Variants in C4orf36 observed in about 807,000 individuals in gnomAD.
The protein encoded by C4orf36 is chromosome 4 open reading frame 36.
C4orf36 carries 11 observed loss-of-function variants against 12.2 expected under a neutral mutation model. The ratio of observed to expected loss-of-function variants is 0.90; its 90% CI spans 0.57 to 1.49. The LOEUF (loss-of-function observed/expected upper bound fraction) is 1.49. Among genes scored for constraint, C4orf36 ranks in the 40% most tolerant of loss-of-function variants. The pLI is 0.00. For missense variants in C4orf36, 137 were observed against 133.9 expected (o/e 1.02, Z -0.11); for synonymous variants, 54 against 51.3 (o/e 1.05, Z -0.22).
At chr4:86,880,328 C>T (rs1249324553) in intron 4 of C4orf36, among the ~76,000 whole-genome samples, 1 of 152,124 alleles carries the variant, frequency 6.6e-6, no homozygotes, top group Non-Finnish European at 1.5e-5. Context: ...CAAAATTAGC[C>T]AGGCGTGGTG....
the C4orf36 span, among the ~76,000 whole-genome samples, chr4:86,933,007 G>T: frequency 6.6e-6 from 1 of 152,004 alleles, no homozygotes; most frequent in Non-Finnish European, 1.5e-5. Flanking sequence ...CTCTCCTTTT[G>T]TTTATGTCTG....
At chr4:86,933,935 A>C in the C4orf36 span, among the ~76,000 whole-genome samples, 1 of 152,246 alleles carries the variant, frequency 6.6e-6, no homozygotes, top group Admixed American at 6.5e-5. Flanking sequence ...ATGGGAAATT[A>C]AGTCAAGTAG....
At chr4:86,914,314 A>G in the C4orf36 span, 2 of 1,586,106 alleles carry the variant, frequency 1.3e-6, no homozygotes, top group Admixed American at 3.4e-5. Flanking sequence ...TTGGGAGCCC[A>G]GTCAATACCT....
chr4:86,896,899 T>C (rs1747603047), upstream of C4orf36, among the ~76,000 whole-genome samples: 1 of 152,216 alleles, frequency 6.6e-6, no homozygotes, highest in South Asian at 2.1e-4. Context: ...ATGAGTCTCC[T>C]ATGAGCCAGG....
chr4:86,921,370 G>A, the C4orf36 span, among the ~76,000 whole-genome samples: 1 of 152,184 alleles, frequency 6.6e-6, no homozygotes, highest in East Asian at 1.9e-4. Context: ...TGAGGGCAAA[G>A]GGAATACAGA....
intron 4 of C4orf36, chr4:86,887,122 G>T (rs1006534951): frequency 6.6e-6 from 1 of 151,856 alleles, no homozygotes; most frequent in Non-Finnish European, 1.5e-5. Context: ...GTGGGGTGGG[G>T]GTATGGGGGA....
intron 4 of C4orf36, among the ~76,000 whole-genome samples, chr4:86,882,354 G>A (rs1747070385): frequency 6.6e-6 from 1 of 152,156 alleles, no homozygotes; most frequent in Non-Finnish European, 1.5e-5. Flanking sequence ...AAGAATGTGT[G>A]ATCTGAGAGA....
chr4:86,888,328 A>G (rs1747265103), intron 2 of C4orf36, 53 bp from the exon 3 acceptor site: 1 of 1,529,802 alleles, frequency 6.5e-7, no homozygotes, highest in Non-Finnish European at 9.0e-7. Flanking sequence ...AGCACCTACT[A>G]TGTGAGATGT....
At chr4:86,892,012 A>C in intron 1 of C4orf36, 171 bp downstream of exon 1, 1 of 987,122 alleles carries the variant, frequency 1.0e-6, no homozygotes. Context: ...AACACTCAGC[A>C]CCACTCCCGC....
chr4:86,899,128 C>T, the C4orf36 span, among the ~76,000 whole-genome samples: 1 of 152,164 alleles, frequency 6.6e-6, no homozygotes, highest in East Asian at 1.9e-4. Context: ...GAAGCACTGA[C>T]CTCCTAATGA....
the C4orf36 span, among the ~76,000 whole-genome samples, chr4:86,927,584 G>T: frequency 3.9e-5 from 6 of 152,216 alleles, no homozygotes; most frequent in East Asian, 1.2e-3. Flanking sequence ...CATGAGGTCA[G>T]CATTTCAAGA....
At chr4:86,904,508 G>T in the C4orf36 span, among the ~76,000 whole-genome samples, 2 of 150,254 alleles carry the variant, frequency 1.3e-5, no homozygotes, top group South Asian at 4.2e-4. Flanking sequence ...CTTGAACCTC[G>T]GAGGGGGAGG....
chr4:86,930,328 C>T, the C4orf36 span, among the ~76,000 whole-genome samples: 6 of 152,262 alleles, frequency 3.9e-5, no homozygotes, highest in Admixed American at 3.9e-4. Flanking sequence ...CTAGTTGAAA[C>T]ACTTATACTA....
chr4:86,898,000 A>G, the C4orf36 span, among the ~76,000 whole-genome samples: 1 of 152,234 alleles, frequency 6.6e-6, no homozygotes, highest in Non-Finnish European at 1.5e-5. Flanking sequence ...AGGCTGTTAC[A>G]ACGTCACCCT....
At chr4:86,878,409 T>C (rs2149419236) in intron 4 of C4orf36, among the ~76,000 whole-genome samples, 1 of 152,154 alleles carries the variant, frequency 6.6e-6, no homozygotes, top group Middle Eastern at 3.4e-3. Flanking sequence ...ATTTGCAGAG[T>C]GATATCAGTA....
the C4orf36 span, among the ~76,000 whole-genome samples, chr4:86,931,387 GTTTAA>G: frequency 9.9e-5 from 15 of 151,998 alleles, no homozygotes; most frequent in Admixed American, 1.3e-4. Flanking sequence ...TGGGTTGGCT[GTTTAA>G]TTTAATTTTT....
chr4:86,890,730 C>T (rs1248474300), intron 2 of C4orf36, among the ~76,000 whole-genome samples: 1 of 152,194 alleles, frequency 6.6e-6, no homozygotes. Context: ...AAGGAAAAGA[C>T]TGCACTACAA....
chr4:86,926,435 A>T, the C4orf36 span: 1 of 152,228 alleles, frequency 6.6e-6, no homozygotes, highest in Non-Finnish European at 1.5e-5. Context: ...CAATTTATAT[A>T]GCATTTTCAC....
intron 2 of C4orf36, among the ~76,000 whole-genome samples, chr4:86,888,987 A>G (rs562949943): frequency 6.6e-6 from 1 of 152,364 alleles, no homozygotes; most frequent in South Asian, 2.1e-4. Context: ...ATGTACCTGA[A>G]CAAGTCATAA....
Sources: gnomAD v4.1 joint callset for allele counts (sites outside exome capture counted in the v4.1 genomes callset) on GRCh38, gnomAD v4.1.1 for gene constraint, MANE v1.5 for transcripts, NCBI Gene and HGNC (gene_info 2026-07-23, HGNC 2026-07-21) for gene names.